Variants in SYNJ2 observed in about 807,000 individuals in gnomAD.
SYNJ2 encodes polyphosphatidylinositol phosphatase SYNJ2.
SYNJ2 carries 116 observed loss-of-function variants against 141.3 expected under a neutral mutation model. That is an observed-to-expected ratio of 0.82 (90% CI 0.71 to 0.96). SYNJ2 has a LOEUF of 0.96. Among genes scored for constraint, SYNJ2 ranks in the 40% least tolerant of loss-of-function variants. The probability of loss-of-function intolerance (pLI) is 0.00; values close to 1 mark genes in which losing one functional copy is unlikely to be tolerated. For missense variants in SYNJ2, 1,873 were observed against 1,934.8 expected (o/e 0.97, Z 0.60); for synonymous variants, 745 against 777.7 (o/e 0.96, Z 0.70).
intron 3 of SYNJ2, among the ~76,000 whole-genome samples, chr6:158,032,598 C>G (rs11962601): frequency 6.6e-6 from 1 of 152,136 alleles, no homozygotes; most frequent in Non-Finnish European, 1.5e-5. Flanking sequence ...GCGTGAAGAG[C>G]GCGGGCTCCA....
chr6:158,044,415 A>G (rs1333836378), intron 5 of SYNJ2, among the ~76,000 whole-genome samples: 1 of 152,168 alleles, frequency 6.6e-6, no homozygotes, highest in Non-Finnish European at 1.5e-5. Context: ...AGTGAGATGG[A>G]TGAATGGAGG....
At chr6:157,984,462 G>A (rs1279164381) in intron 1 of SYNJ2, among the ~76,000 whole-genome samples, 1 of 152,014 alleles carries the variant, frequency 6.6e-6, no homozygotes, top group Non-Finnish European at 1.5e-5. Flanking sequence ...GAAGTGGTGC[G>A]ATCTCGGCTG....
intron 25 of SYNJ2, among the ~76,000 whole-genome samples, chr6:158,090,272 CA>C (rs1783350891): frequency 6.6e-6 from 1 of 152,162 alleles, no homozygotes; most frequent in Non-Finnish European, 1.5e-5. Flanking sequence ...CTTTATAAAA[CA>C]GAGACAGTTA....
At chr6:158,022,889 G>A (rs996657544) in intron 2 of SYNJ2, among the ~76,000 whole-genome samples, 5 of 152,190 alleles carry the variant, frequency 3.3e-5, no homozygotes, top group Non-Finnish European at 7.3e-5. Context: ...CCACACTGAC[G>A]GTGGCCCGGG....
In SYNJ2 at chr6:158,043,433, G is replaced by A; in HGVS notation, c.795+34G>A. On this transcript the variant is annotated intron_variant, in intron 5 of 26. Coordinates refer to ENST00000355585, the MANE Select transcript of SYNJ2 (RefSeq NM_003898.4). This position sits in a 1 kb window ranked among gnomAD's most constrained non-coding sequence, Gnocchi z 4.0. ...TGAAAAAACTTAAATGTCCCCTTGTGATGTTGTCCGCCCTGCCCTTCCCTT... is the reference window on the plus strand; with the variant it reads ...TGAAAAAACTTAAATGTCCCCTTGTAATGTTGTCCGCCCTGCCCTTCCCTT... 6.6e-7 allele frequency: 1 copy of A among 1,509,458 alleles called. No homozygotes were observed. Among genetic ancestry groups the A allele is most frequent in the Non-Finnish European group, 9.2e-7 (1 of 1,086,346 alleles). The allele number at this position is 1,509,458 out of a possible 1,614,324, so 93.5% of individuals were successfully genotyped here.
At chr6:157,989,912 G>GGT (rs1554228308) in intron 1 of SYNJ2, among the ~76,000 whole-genome samples, 2 of 152,104 alleles carry the variant, frequency 1.3e-5, no homozygotes, top group African/African-American at 4.8e-5. Flanking sequence ...CTTTTCTGGG[G>GGT]GGGGCTAGGA....
chr6:158,094,092 A>AG (rs913882140), intron 26 of SYNJ2: 5 of 688,588 alleles, frequency 7.3e-6, no homozygotes, highest in African/African-American at 5.3e-5. Context: ...AGAGAGTGTG[A>AG]GGGGGGCTTC....
In SYNJ2 at chr6:158,070,781, C is replaced by T. The variant is rs1244169772; in HGVS notation, c.1941-821C>T. Among the ~76,000 whole-genome samples the T allele has an allele frequency of 5.3e-5, 8 of 152,134 alleles. No homozygotes were observed. In the East Asian group the frequency reaches 1.3e-3, roughly 26 times the overall value. ...GCCCATGTTTCTATGGACTCGTATG[C>T]GTCATAAGTGGGCATTTGAATGCAA... On this transcript the variant is annotated intron_variant, in intron 14 of 26. Coordinates refer to ENST00000355585, the MANE Select transcript of SYNJ2 (RefSeq NM_003898.4). The surrounding 1 kb of genome is among the most constrained non-coding windows in gnomAD (Gnocchi z 4.0).
chr6:158,037,065 C>T (rs1236696265), intron 4 of SYNJ2, among the ~76,000 whole-genome samples: 1 of 152,188 alleles, frequency 6.6e-6, no homozygotes, highest in Non-Finnish European at 1.5e-5. Flanking sequence ...GACATTCTAA[C>T]ACGGAAAATG....
At chr6:158,005,166 C>T (rs1778015554) in intron 1 of SYNJ2, among the ~76,000 whole-genome samples, 1 of 151,610 alleles carries the variant, frequency 6.6e-6, no homozygotes, top group Non-Finnish European at 1.5e-5. Context: ...CAAGCTCCGC[C>T]TCCCAGGTTC....
At chr6:157,991,362 TTGGCTC>T (rs1386144195) in intron 1 of SYNJ2, among the ~76,000 whole-genome samples, 1 of 152,202 alleles carries the variant, frequency 6.6e-6, no homozygotes, top group Non-Finnish European at 1.5e-5. Flanking sequence ...TTCTGCCTCG[TTGGCTC>T]TGGGGTGGGC....
chr6:158,059,754 C>T (rs1781096007), intron 7 of SYNJ2, among the ~76,000 whole-genome samples: 1 of 152,152 alleles, frequency 6.6e-6, no homozygotes, highest in Non-Finnish European at 1.5e-5. Flanking sequence ...GGGGTTTCAC[C>T]ATGTTGTTCA....
At chr6:157,993,419 A>C (rs1777523945) in intron 1 of SYNJ2, among the ~76,000 whole-genome samples, 1 of 152,092 alleles carries the variant, frequency 6.6e-6, no homozygotes, top group Non-Finnish European at 1.5e-5. Flanking sequence ...AGCTCCTTAT[A>C]TATTCTGGTT....
At chr6:158,050,004 G>T (rs1780477846) in intron 5 of SYNJ2, among the ~76,000 whole-genome samples, 1 of 152,310 alleles carries the variant, frequency 6.6e-6, no homozygotes, top group East Asian at 1.9e-4. Flanking sequence ...GGCTCTGCAG[G>T]TATGGACACA....
Position 158,086,996 on chromosome 6 carries a change from C to T in SYNJ2, c.3343+7C>T. On this transcript the variant is annotated splice_region_variant and intron_variant, in intron 23 of 26. Transcript: ENST00000355585. ...CAGAGACCCCCCCCTCCAAGTAAGACTCTGCTTGCTTTCAGCTCCCTGGAT... is the reference window on the plus strand; with the variant it reads ...CAGAGACCCCCCCCTCCAAGTAAGATTCTGCTTGCTTTCAGCTCCCTGGAT... 6.8e-7 allele frequency: 1 copy of T among 1,465,972 alleles called. No homozygotes were observed. Among genetic ancestry groups the T allele is most frequent in the South Asian group, 1.1e-5 (1 of 88,934 alleles). 90.8% of individuals were successfully genotyped at this position (1,465,972 alleles called of 1,614,324 possible).
At position 158,062,173 on chromosome 6, in the gene SYNJ2, C is replaced by T. The variant is rs773708252; in HGVS notation, c.1127+9C>T. On this transcript the variant is annotated intron_variant, in intron 8 of 26. Transcript: ENST00000355585. Reference sequence around the variant, plus strand: ...GAGAACGTCAGTCCACGGTGAGGCTCGCTGCGCACTGTGCCGCGTCTTCTG... The same window carrying T: ...GAGAACGTCAGTCCACGGTGAGGCTTGCTGCGCACTGTGCCGCGTCTTCTG... 6.8e-6 allele frequency: 11 copies of T among 1,610,888 alleles called. No individual in the cohort carries two copies. The highest frequency in any genetic ancestry group is 6.7e-5 in the East Asian group (3 of 44,798).
intron 1 of SYNJ2, among the ~76,000 whole-genome samples, chr6:158,012,818 T>G (rs1036766821): frequency 6.6e-6 from 1 of 152,212 alleles, no homozygotes; most frequent in Non-Finnish European, 1.5e-5. Flanking sequence ...GCACTTCATA[T>G]TCTGTAACTC....
At chr6:158,074,786 A>G (rs949326912) in intron 16 of SYNJ2, 48 bp downstream of exon 16, 32 of 1,600,084 alleles carry the variant, frequency 2.0e-5, no homozygotes, top group Non-Finnish European at 2.6e-5. Context: ...CCAAGATGGA[A>G]TGACATCTGT....
intron 5 of SYNJ2, among the ~76,000 whole-genome samples, chr6:158,049,971 C>T (rs1465212378): frequency 1.3e-5 from 2 of 151,544 alleles, no homozygotes; most frequent in Non-Finnish European, 1.5e-5. Context: ...CCAGTATGCA[C>T]GTGGCTCTGC....
Sources: allele counts gnomAD v4.1 joint callset (sites outside exome capture counted in the v4.1 genomes callset), GRCh38; gene constraint gnomAD v4.1.1; non-coding constraint Gnocchi (gnomAD v3.1); transcripts MANE v1.5; gene names NCBI Gene and HGNC (gene_info 2026-07-23, HGNC 2026-07-21).